ZNF407: variants seen among roughly 807,000 people sequenced by gnomAD.
ZNF407 encodes zinc finger protein 407.
In ZNF407, 17 loss-of-function variants were observed where a neutral mutation model predicts 131.2. The observed-to-expected ratio is 0.13, with a 90% CI of 0.09 to 0.19. ZNF407 has a LOEUF of 0.19. ZNF407 is among the 10% of genes least tolerant of loss of function. ZNF407 has a pLI of 1.00. For synonymous variants in ZNF407, 1,156 were observed against 1,062.0 expected (o/e 1.09, Z -1.72); for missense variants, 2,681 against 2,830.6 (o/e 0.95, Z 1.20).
chr18:74,779,404 G>A (rs1397300656), intron 3 of ZNF407, among the ~76,000 whole-genome samples: 1 of 151,736 alleles, frequency 6.6e-6, no homozygotes, highest in African/African-American at 2.4e-5. Context: ...GTGAGCCACC[G>A]CGCCCGGTCA....
chr18:74,860,259 C>T (rs771102027), intron 4 of ZNF407, among the ~76,000 whole-genome samples: 3 of 151,848 alleles, frequency 2.0e-5, no homozygotes, highest in South Asian at 2.1e-4. Flanking sequence ...ATTACACCAT[C>T]GCACTCTAGC....
intron 8 of ZNF407, among the ~76,000 whole-genome samples, chr18:74,994,365 C>T (rs566424294): frequency 3.9e-5 from 6 of 152,232 alleles, no homozygotes; most frequent in South Asian, 2.1e-4. Flanking sequence ...ACATTATTTC[C>T]GCTTAAAAAG....
At chr18:75,005,326 C>T (rs982246893) in intron 8 of ZNF407, among the ~76,000 whole-genome samples, 3 of 152,034 alleles carry the variant, frequency 2.0e-5, no homozygotes, top group Non-Finnish European at 4.4e-5. Flanking sequence ...TGGTCTAAAA[C>T]AAAAGAACTT....
At position 74,599,149 on chromosome 18, in the gene ZNF407, G is replaced by A. The variant is rs568969776; in HGVS notation, c.-54+1212G>A. ...TGGCATACTCACTGTGCTTCATTTA[G>A]TACAGCAATCTTGTGTAGTAGGAAT... On this transcript the variant is annotated intron_variant, in intron 1 of 8. Coordinates refer to ENST00000299687, the MANE Select transcript of ZNF407 (RefSeq NM_017757.3). Among the ~76,000 whole-genome samples, 3 of 152,264 alleles carry A rather than the reference G, an allele frequency of 2.0e-5. No homozygotes were observed. In the South Asian group the frequency reaches 6.2e-4, roughly 32 times the overall value.
intron 3 of ZNF407, among the ~76,000 whole-genome samples, chr18:74,700,891 T>C (rs1967476879): frequency 6.6e-6 from 1 of 152,222 alleles, no homozygotes; most frequent in African/African-American, 2.4e-5. Context: ...GTACCAGACA[T>C]TTAGTGGGAG....
chr18:75,003,790 CTTG>C (rs774256184), intron 8 of ZNF407, among the ~76,000 whole-genome samples: 1 of 152,158 alleles, frequency 6.6e-6, no homozygotes, highest in Non-Finnish European at 1.5e-5. Context: ...GAATCAAATT[CTTG>C]TTAACACATG....
intron 3 of ZNF407, among the ~76,000 whole-genome samples, chr18:74,693,959 A>G (rs1967290606): frequency 6.6e-6 from 1 of 152,060 alleles, no homozygotes; most frequent in African/African-American, 2.4e-5. Flanking sequence ...CTTTGTATAT[A>G]GTGACTATTT....
chr18:74,779,886 G>T (rs1215283108), intron 3 of ZNF407, among the ~76,000 whole-genome samples: 1 of 151,782 alleles, frequency 6.6e-6, no homozygotes, highest in African/African-American at 2.4e-5. Flanking sequence ...TTAGCTTTAT[G>T]TTTTTTTAAT....
intron 4 of ZNF407, among the ~76,000 whole-genome samples, chr18:74,838,469 CT>C (rs1970588120): frequency 6.6e-6 from 1 of 152,156 alleles, no homozygotes; most frequent in Admixed American, 6.5e-5. Flanking sequence ...CCACTGTGGT[CT>C]TTTTCTTTTC....
intron 3 of ZNF407, among the ~76,000 whole-genome samples, chr18:74,665,791 C>T (rs1985908938): frequency 6.6e-6 from 1 of 152,184 alleles, no homozygotes; most frequent in Non-Finnish European, 1.5e-5. Flanking sequence ...CACCCAGACT[C>T]ACCTTTCTTT....
intron 4 of ZNF407, among the ~76,000 whole-genome samples, chr18:74,825,860 T>G (rs916967977): frequency 1.3e-5 from 2 of 152,238 alleles, no homozygotes; most frequent in Non-Finnish European, 2.9e-5. Context: ...AGAAAATGTT[T>G]AGGGTATGTG....
intron 1 of ZNF407, among the ~76,000 whole-genome samples, chr18:74,623,845 A>G (rs1983671409): frequency 6.6e-6 from 1 of 152,150 alleles, no homozygotes; most frequent in Non-Finnish European, 1.5e-5. Context: ...TTATGTTGAC[A>G]GTCAAGGAAC....
chr18:74,973,139 T>TAA (rs10628252), intron 8 of ZNF407, among the ~76,000 whole-genome samples: 2 of 93,352 alleles, frequency 2.1e-5, no homozygotes, highest in Non-Finnish European at 4.0e-5. Context: ...TATATATATA[T>TAA]GTGTGTGTGT....
chr18:74,894,643 G>A (rs1036184669), intron 7 of ZNF407, among the ~76,000 whole-genome samples: 15 of 152,038 alleles, frequency 9.9e-5, no homozygotes, highest in African/African-American at 3.6e-4. Flanking sequence ...TCTTCTCTAT[G>A]ATTTATAGGG....
chr18:74,772,059 G>A (rs900872477), intron 3 of ZNF407, among the ~76,000 whole-genome samples: 1 of 152,116 alleles, frequency 6.6e-6, no homozygotes, highest in African/African-American at 2.4e-5. Flanking sequence ...AGAGACTTCT[G>A]TATAAAGGTC....
At chr18:74,802,481 G>A (rs1970036493) in intron 4 of ZNF407, among the ~76,000 whole-genome samples, 1 of 152,066 alleles carries the variant, frequency 6.6e-6, no homozygotes, top group Non-Finnish European at 1.5e-5. Flanking sequence ...GACAATGTGT[G>A]GTAGTTGTTT....
intron 8 of ZNF407, among the ~76,000 whole-genome samples, chr18:75,004,629 G>T (rs1972886565): frequency 1.3e-5 from 2 of 152,200 alleles, no homozygotes; most frequent in Admixed American, 1.3e-4. Flanking sequence ...TTGAGAACTG[G>T]AATTTCACCA....
At chr18:74,806,389 C>G (rs1266304817) in intron 4 of ZNF407, among the ~76,000 whole-genome samples, 1 of 152,236 alleles carries the variant, frequency 6.6e-6, no homozygotes, top group East Asian at 1.9e-4. Flanking sequence ...TCACCAATCT[C>G]TGCTTTAGCC....
chr18:74,642,758 A>T (rs1380676261), intron 3 of ZNF407, among the ~76,000 whole-genome samples: 1 of 152,124 alleles, frequency 6.6e-6, no homozygotes, highest in Non-Finnish European at 1.5e-5. Flanking sequence ...GTACATGATT[A>T]TACATATATC....
Sources: gnomAD v4.1 joint callset for allele counts (sites outside exome capture counted in the v4.1 genomes callset) on GRCh38, gnomAD v4.1.1 for gene constraint, MANE v1.5 for transcripts, NCBI Gene and HGNC (gene_info 2026-07-23, HGNC 2026-07-21) for gene names.